Variants in CD55 observed in about 807,000 individuals in gnomAD.
The protein encoded by CD55 is complement decay-accelerating factor.
CD55 carries 41 observed loss-of-function variants against 45.8 expected under a neutral mutation model. That is an observed-to-expected ratio of 0.90 (90% CI 0.70 to 1.16). CD55 has a LOEUF of 1.16. Ranked by LOEUF, CD55 falls within the 50% of genes most tolerant of loss-of-function variation. CD55 has a pLI of 0.00. For synonymous variants in CD55, 181 were observed against 181.1 expected, an observed-to-expected ratio of 1.00 and a Z score of 0.01; for missense variants, 416 against 469.8, an observed-to-expected ratio of 0.89 and a Z score of 1.06.
chr1:207,345,243 T>C (rs1345342207), intron 9 of CD55, among the ~76,000 whole-genome samples: 1 of 152,130 alleles, frequency 6.6e-6, no homozygotes, highest in Non-Finnish European at 1.5e-5. Context: ...TTATTCTTTT[T>C]TCCTTATTCT....
intron 9 of CD55, among the ~76,000 whole-genome samples, chr1:207,344,214 GGTT>G (rs1291202203): frequency 6.6e-6 from 1 of 152,076 alleles, no homozygotes; most frequent in African/African-American, 2.4e-5. Context: ...ATTGATTTCT[GGTT>G]GTTTTGTTCC....
chr1:207,336,543 G>T, intron 6 of CD55, 150 bp from the exon 7 acceptor site: 1 of 839,020 alleles, frequency 1.2e-6, no homozygotes, highest in Non-Finnish European at 1.9e-6. Flanking sequence ...AGCTCCTTGA[G>T]AAATACTCAA....
At chr1:207,348,258 A>G (rs962546720) in intron 9 of CD55, among the ~76,000 whole-genome samples, 4 of 152,158 alleles carry the variant, frequency 2.6e-5, no homozygotes, top group Non-Finnish European at 5.9e-5. Context: ...AATAATAGCC[A>G]TTCTGTCTGC....
At chr1:207,350,433 G>A (rs536578540) in intron 9 of CD55, among the ~76,000 whole-genome samples, 45 of 152,132 alleles carry the variant, frequency 3.0e-4, no homozygotes, top group South Asian at 1.7e-3. Context: ...GATTGGTACC[G>A]GCTCTTGTTT....
intron 9 of CD55, among the ~76,000 whole-genome samples, chr1:207,356,974 C>G (rs1656100763): frequency 6.6e-6 from 1 of 152,086 alleles, no homozygotes; most frequent in Non-Finnish European, 1.5e-5. Context: ...GTCCGTTTTT[C>G]CCATTAATAA....
chr1:207,322,329 A>C, intron 1 of CD55, 53 bp from the exon 2 acceptor site: 1 of 1,479,476 alleles, frequency 6.8e-7, no homozygotes, highest in Non-Finnish European at 9.5e-7. Flanking sequence ...GAAAACAGCA[A>C]CTGTGAGGAC....
intron 8 of CD55, among the ~76,000 whole-genome samples, chr1:207,338,487 CAT>C (rs1655281362): frequency 1.3e-5 from 2 of 152,082 alleles, no homozygotes; most frequent in Non-Finnish European, 2.9e-5. Context: ...ACTTTATTGA[CAT>C]ATTTCCTTCT....
Position 207,360,600 on chromosome 1 carries a change from C to T in CD55, c.*990C>T, listed in dbSNP as rs1156930407. On this transcript the variant is annotated 3_prime_UTR_variant, in exon 10 of 10. Coordinates refer to ENST00000367064, the MANE Select transcript of CD55 (RefSeq NM_000574.5). ...CTACAAGCAGTTCAGAATGCCATGC[C>T]TTGGTTGTCCTAGTGTGAATAATTT... is the stretch of plus-strand genomic sequence containing the variant. The T allele has an allele frequency of 6.6e-6, 1 of 152,024 alleles. No individual in the cohort carries two copies. Among genetic ancestry groups the T allele is most frequent in the East Asian group, 1.9e-4 (1 of 5,190 alleles). 9.4% of individuals were successfully genotyped at this position (152,024 alleles called of 1,614,324 possible).
At chr1:207,344,117 G>T (rs758182188) in intron 9 of CD55, among the ~76,000 whole-genome samples, 2 of 152,150 alleles carry the variant, frequency 1.3e-5, no homozygotes, top group African/African-American at 4.8e-5. Context: ...CATCCATTCA[G>T]CCAGTATACA....
In CD55 at chr1:207,326,799, G is replaced by C. The variant is rs533667347; in HGVS notation, c.626G>C (p.Ser209Thr). 1.2e-6 allele frequency: 2 copies of C among 1,613,884 alleles called. No individual in the cohort carries two copies. Among genetic ancestry groups the C allele is most frequent in the Admixed American group, 3.3e-5 (2 of 59,990 alleles). ...STSSFCLISGSSVQWSDPLPE... is the reference protein window; with the variant it reads ...STSSFCLISGTSVQWSDPLPE... ...TCTAGTTTTTGTCTTATTTCAGGCA[G>C]CTCTGTCCAGTGGAGTGACCCGTTG... Residue 209 changes from serine to threonine, a missense_variant, in exon 5 of 10, where the codon AGC (serine) becomes ACC (threonine). Around this residue, in one of 3 missense-constraint regions of CD55, gnomAD observed 111 missense variants for 163.4 expected, o/e 0.68. Transcript: ENST00000367064.
intron 5 of CD55, among the ~76,000 whole-genome samples, chr1:207,329,239 A>T (rs1654830558): frequency 3.9e-5 from 6 of 152,192 alleles, no homozygotes; most frequent in Admixed American, 3.9e-4. Flanking sequence ...GCCTACAAAC[A>T]TCCCACCAAC....
At chr1:207,355,978 C>G (rs1389505461) in intron 9 of CD55, among the ~76,000 whole-genome samples, 1 of 152,160 alleles carries the variant, frequency 6.6e-6, no homozygotes, top group African/African-American at 2.4e-5. Context: ...ATAAAACATG[C>G]ATTTGTCAAA....
chr1:207,321,881 G>A lies in CD55; in HGVS notation c.100+16G>A. On this transcript the variant is annotated intron_variant, in intron 1 of 9. Transcript: ENST00000367064. ...GCCGTGTGGGGTGAGTAGGGGCCCG[G>A]CGGCCGGGGAAGCCCCTGGGCTGGG... The A allele has an allele frequency of 6.6e-7, 1 of 1,504,888 alleles. No individual in the cohort carries two copies. The highest frequency in any genetic ancestry group is 8.9e-7 in the Non-Finnish European group (1 of 1,129,800). The allele number at this position is 1,504,888 out of a possible 1,614,324, so 93.2% of individuals were successfully genotyped here.
intron 2 of CD55, 68 bp from the exon 3 acceptor site, chr1:207,324,491 T>C (rs1654575891): frequency 9.5e-7 from 1 of 1,058,014 alleles, no homozygotes; most frequent in African/African-American, 1.6e-5. Flanking sequence ...GTCCAGATAA[T>C]TAAATATAGA....
At chr1:207,355,695 C>G (rs1356600022) in intron 9 of CD55, among the ~76,000 whole-genome samples, 1 of 152,104 alleles carries the variant, frequency 6.6e-6, no homozygotes, top group African/African-American at 2.4e-5. Context: ...GGTAAATGTC[C>G]TTCCCATTAA....
At chr1:207,352,527 G>A (rs1314863907) in intron 9 of CD55, among the ~76,000 whole-genome samples, 1 of 152,208 alleles carries the variant, frequency 6.6e-6, no homozygotes, top group Non-Finnish European at 1.5e-5. Flanking sequence ...CCAGTCGGAT[G>A]TTGGTTTGAA....
At chr1:207,333,498 C>T (rs1182219364) in intron 6 of CD55, among the ~76,000 whole-genome samples, 4 of 152,136 alleles carry the variant, frequency 2.6e-5, no homozygotes, top group Admixed American at 6.5e-5. Context: ...TCATATCATC[C>T]GGATGGTTTA....
At chr1:207,354,175 A>G in intron 9 of CD55, 1 of 1,341,678 alleles carries the variant, frequency 7.5e-7, no homozygotes, top group Non-Finnish European at 9.6e-7. Context: ...GTATCTGTCT[A>G]ATGTAAATTT....
chr1:207,350,018 T>C (rs1225616331), intron 9 of CD55: 2 of 426,856 alleles, frequency 4.7e-6, no homozygotes, highest in Admixed American at 2.7e-5. Flanking sequence ...TCTTATTATT[T>C]TGTGGTATGT....
Sources: gnomAD v4.1 joint callset for allele counts (sites outside exome capture counted in the v4.1 genomes callset) on GRCh38, gnomAD v4.1.1 for gene constraint, gnomAD v4.1.1 regional missense constraint, MANE v1.5 for transcripts, NCBI Gene and HGNC (gene_info 2026-07-23, HGNC 2026-07-21) for gene names.